The following RBFOX1 variants were observed in gnomAD, a reference collection of about 807,000 sequenced individuals.
The protein encoded by RBFOX1 is RNA binding protein fox-1 homolog 1.
RBFOX1 carries 8 observed loss-of-function variants against 57.7 expected under a neutral mutation model. The observed-to-expected ratio is 0.14, with a 90% CI of 0.08 to 0.25. The LOEUF (loss-of-function observed/expected upper bound fraction) is 0.25. Ranked by LOEUF, RBFOX1 falls within the 10% of genes least tolerant of loss-of-function variation. The pLI, the probability that RBFOX1 is intolerant of heterozygous loss-of-function variation, is 1.00. For missense variants in RBFOX1, 611 were observed against 548.5 expected, an observed-to-expected ratio of 1.11 and a Z score of -1.14; for synonymous variants, 326 against 222.4, an observed-to-expected ratio of 1.47 and a Z score of -4.15.
At chr16:6,732,776 C>G (rs1205546459) in intron 3 of RBFOX1, among the ~76,000 whole-genome samples, 2 of 152,172 alleles carry the variant, frequency 1.3e-5, no homozygotes, top group African/African-American at 2.4e-5. Context: ...ATGCTGCACA[C>G]CTACATTTTT....
intron 3 of RBFOX1, among the ~76,000 whole-genome samples, chr16:6,904,834 G>A (rs1162043812): frequency 2.0e-5 from 3 of 152,160 alleles, no homozygotes; most frequent in Non-Finnish European, 2.9e-5. Context: ...GATTTTGTTA[G>A]AGAAGAATTG....
intron 1 of RBFOX1, among the ~76,000 whole-genome samples, chr16:6,035,647 C>G (rs1291507453): frequency 6.6e-6 from 1 of 152,206 alleles, no homozygotes; most frequent in Non-Finnish European, 1.5e-5. Context: ...CCTCCCAGCT[C>G]CCTGCACGTG....
chr16:6,088,421 TG>T (rs1161048057), intron 1 of RBFOX1, among the ~76,000 whole-genome samples: 1 of 152,230 alleles, frequency 6.6e-6, no homozygotes, highest in Non-Finnish European at 1.5e-5. Context: ...ATTTTCTAGC[TG>T]AATTTTTCCA....
At chr16:7,325,061 C>G (rs919937554) in intron 4 of RBFOX1, among the ~76,000 whole-genome samples, 1 of 152,154 alleles carries the variant, frequency 6.6e-6, no homozygotes, top group Non-Finnish European at 1.5e-5. Flanking sequence ...TGTTAGCACG[C>G]TTTCATTTGA....
At chr16:5,259,753 G>A (rs774033999) in intron 1 of RBFOX1, among the ~76,000 whole-genome samples, 6 of 152,192 alleles carry the variant, frequency 3.9e-5, no homozygotes, top group Non-Finnish European at 5.9e-5. Context: ...AAATGGAGCC[G>A]GGTTATGGAT....
chr16:7,684,990 G>C (rs942196678), intron 14 of RBFOX1, among the ~76,000 whole-genome samples: 2 of 152,022 alleles, frequency 1.3e-5, no homozygotes, highest in Non-Finnish European at 2.9e-5. Flanking sequence ...GATTTGAGTG[G>C]ATCATCTAAA....
intron 4 of RBFOX1, among the ~76,000 whole-genome samples, chr16:7,297,819 T>TC (rs778325149): frequency 1.3e-5 from 2 of 151,592 alleles, no homozygotes; most frequent in East Asian, 1.9e-4. Context: ...AAAATTGAAA[T>TC]CCCCCCCAAT....
chr16:6,826,447 G>A (rs1271317716), intron 3 of RBFOX1, among the ~76,000 whole-genome samples: 2 of 151,748 alleles, frequency 1.3e-5, no homozygotes, highest in Non-Finnish European at 2.9e-5. Context: ...TAATTCCCAT[G>A]GGTTGTTAAG....
chr16:7,242,976 C>T (rs141084478), intron 4 of RBFOX1, among the ~76,000 whole-genome samples: 1 of 152,150 alleles, frequency 6.6e-6, no homozygotes, highest in Non-Finnish European at 1.5e-5. Context: ...CATTTGTTCT[C>T]TTCCTCCTCC....
chr16:5,634,936 C>A, intron 3 of RBFOX1, among the ~76,000 whole-genome samples: 1 of 152,312 alleles, frequency 6.6e-6, no homozygotes, highest in South Asian at 2.1e-4. Context: ...CTCCTTAGAT[C>A]ATGCACCTTC....
At chr16:7,065,935 G>T (rs2153752671) in intron 4 of RBFOX1, among the ~76,000 whole-genome samples, 1 of 152,074 alleles carries the variant, frequency 6.6e-6, no homozygotes, top group East Asian at 1.9e-4. Flanking sequence ...ATCCTTATGT[G>T]TTTTTCCCCC....
At chr16:7,709,639 TAGAG>T in intron 15 of RBFOX1, 2 of 1,528,628 alleles carry the variant, frequency 1.3e-6, no homozygotes, top group Non-Finnish European at 1.8e-6. Flanking sequence ...GGAAAGAAAA[TAGAG>T]AGGGGCACAC....
rs116238038 is a variant in RBFOX1, at chr16:7,266,166, G to A, written c.27+214068G>A. ...ATTTTTTATATTTTTTAGTACAGAC[G>A]GGGTTTCACTGTGTTACCCAAGATA... On this transcript the variant is annotated intron_variant, in intron 4 of 15. Transcript: ENST00000550418. 3.6e-3 allele frequency among the ~76,000 whole-genome samples: 554 copies of A among 151,930 alleles called. 7 individuals carry two copies. The highest frequency in any genetic ancestry group is 0.013 in the African/African-American group (533 of 41,416).
chr16:6,155,045 T>C (rs1452946427), intron 1 of RBFOX1, among the ~76,000 whole-genome samples: 3 of 152,242 alleles, frequency 2.0e-5, no homozygotes, highest in Non-Finnish European at 4.4e-5. Flanking sequence ...AAATTTTTAT[T>C]GGAGGAAATA....
intron 2 of RBFOX1, among the ~76,000 whole-genome samples, chr16:6,520,613 TTAGC>T (rs776751282): frequency 6.6e-5 from 10 of 152,140 alleles, no homozygotes; most frequent in Non-Finnish European, 1.2e-4. Flanking sequence ...GTGGGCACCT[TTAGC>T]TTGAAGGGGA....
At chr16:5,241,157 G>GC (rs891272667) in intron 1 of RBFOX1, among the ~76,000 whole-genome samples, 12 of 152,176 alleles carry the variant, frequency 7.9e-5, no homozygotes, top group African/African-American at 2.7e-4. Context: ...CTGCCTCAGA[G>GC]CCCCCCCTGC....
intron 2 of RBFOX1, among the ~76,000 whole-genome samples, chr16:6,353,599 G>C (rs538428381): frequency 4.6e-5 from 7 of 152,132 alleles, no homozygotes; most frequent in African/African-American, 1.7e-4. Flanking sequence ...ATTGCTTGTG[G>C]GGGATTCAAA....
intron 3 of RBFOX1, among the ~76,000 whole-genome samples, chr16:6,865,670 C>G (rs2059792983): frequency 6.6e-6 from 1 of 151,906 alleles, no homozygotes; most frequent in Admixed American, 6.5e-5. Flanking sequence ...CGTAGTAATC[C>G]CTAATTCCTT....
At chr16:5,719,839 A>G (rs929642595) in intron 3 of RBFOX1, among the ~76,000 whole-genome samples, 7 of 152,142 alleles carry the variant, frequency 4.6e-5, no homozygotes, top group African/African-American at 1.4e-4. Flanking sequence ...GTGTTTGGCT[A>G]TTATGAATAG....
Sources: allele counts gnomAD v4.1 joint callset (sites outside exome capture counted in the v4.1 genomes callset), GRCh38; gene constraint gnomAD v4.1.1; transcripts MANE v1.5; gene names NCBI Gene and HGNC (gene_info 2026-07-23, HGNC 2026-07-21).